FRMD8: variants seen among roughly 807,000 people sequenced by gnomAD.
FRMD8 encodes FERM domain-containing protein 8.
FRMD8 carries 37 observed loss-of-function variants against 54.2 expected under a neutral mutation model. That is an observed-to-expected ratio of 0.68 (90% CI 0.53 to 0.90). FRMD8 has a LOEUF of 0.90. FRMD8 is among the 40% of genes least tolerant of loss of function. FRMD8 has a pLI of 0.00. For synonymous variants in FRMD8, 246 were observed against 286.9 expected (o/e 0.86, Z 1.44); for missense variants, 585 against 653.7 (o/e 0.89, Z 1.15).
At chr11:65,398,146 G>C (rs1855996707) in intron 7 of FRMD8, among the ~76,000 whole-genome samples, 1 of 152,088 alleles carries the variant, frequency 6.6e-6, no homozygotes, top group Non-Finnish European at 1.5e-5. Flanking sequence ...AAAGTGCTGG[G>C]AGCCACCACG....
chr11:65,400,644 C>A lies in FRMD8; in HGVS notation c.928-80C>A. ...AGCCTTGGAGAGGCACACACCCTGG[C>A]CAGGTGTCTGAGTGGGATGGGGTGG... is the stretch of plus-strand genomic sequence containing the variant. On this transcript the variant is annotated intron_variant, in intron 8 of 10. Coordinates refer to ENST00000317568, the MANE Select transcript of FRMD8 (RefSeq NM_031904.5). The surrounding 1 kb of genome is among the most constrained non-coding windows in gnomAD (Gnocchi z 4.3). The A allele has an allele frequency of 7.2e-7, 1 of 1,390,790 alleles. No individual in the cohort carries two copies. Among genetic ancestry groups the A allele is most frequent in the Non-Finnish European group, 9.6e-7 (1 of 1,043,786 alleles). The allele number at this position is 1,390,790 out of a possible 1,614,324, so 86.2% of individuals were successfully genotyped here.
chr11:65,401,742 C>G (rs1390098376), intron 9 of FRMD8, among the ~76,000 whole-genome samples: 1 of 151,254 alleles, frequency 6.6e-6, no homozygotes, highest in East Asian at 2.0e-4. Context: ...TTTCCTGGCC[C>G]CCCTCGAGGG....
At chr11:65,398,264 C>G (rs1034008510) in intron 7 of FRMD8, among the ~76,000 whole-genome samples, 1 of 152,230 alleles carries the variant, frequency 6.6e-6, no homozygotes, top group African/African-American at 2.4e-5. Context: ...TCCCACAGCA[C>G]TGGGATCATA....
At chr11:65,399,635 C>T (rs1856027277) in intron 7 of FRMD8, 101 bp from the exon 8 acceptor site, 1 of 1,461,610 alleles carries the variant, frequency 6.8e-7, no homozygotes, top group East Asian at 2.3e-5. Context: ...GTTTCAGTCA[C>T]CCAAACAGCA....
chr11:65,393,598 G>A lies in FRMD8; in HGVS notation c.279G>A (p.Gln93=), dbSNP rs759790783. ...LLEVQLKPKH[Q]PYKLGRQWPE... is the part of the protein sequence containing the mutation. ...AGGTGCAGCTGAAACCCAAGCACCA[G>A]CCCTACAAGCTGGGACGCCAGTGGC... Residue 93 remains glutamine (Q), a synonymous_variant, in exon 4 of 11, where the codon CAG becomes CAA. Coordinates refer to ENST00000317568, the MANE Select transcript of FRMD8 (RefSeq NM_031904.5). The A allele has an allele frequency of 6.2e-7, 1 of 1,608,954 alleles. No individual in the cohort carries two copies. The highest frequency in any genetic ancestry group is 8.5e-7 in the Non-Finnish European group (1 of 1,179,960).
chr11:65,377,077 C>T, the FRMD8 span: 1 of 1,612,092 alleles, frequency 6.2e-7, no homozygotes, highest in East Asian at 2.2e-5. Flanking sequence ...GACAGTAGGC[C>T]TGTTGGTGAT....
intron 6 of FRMD8, among the ~76,000 whole-genome samples, chr11:65,395,635 A>G (rs918941704): frequency 2.6e-5 from 4 of 152,232 alleles, no homozygotes; most frequent in African/African-American, 9.6e-5. Flanking sequence ...CGGGGAACCA[A>G]CTGTGGGTAT....
chr11:65,407,342 C>A (rs1856223760), intron 10 of FRMD8, among the ~76,000 whole-genome samples: 1 of 151,692 alleles, frequency 6.6e-6, no homozygotes, highest in Non-Finnish European at 1.5e-5. Context: ...ACCTCCGCAC[C>A]CTGGGTTCAA....
chr11:65,376,306 A>T, the FRMD8 span: 14 of 1,414,784 alleles, frequency 9.9e-6, no homozygotes, highest in African/African-American at 1.4e-4. Context: ...GGAAGGGCTG[A>T]GCCTCTTGCA....
chr11:65,374,420 C>T, the FRMD8 span, among the ~76,000 whole-genome samples: 2 of 141,594 alleles, frequency 1.4e-5, no homozygotes, highest in East Asian at 1.9e-4. Flanking sequence ...ATGATTTACC[C>T]GCGGTGTGAC....
At chr11:65,402,738 G>C (rs570623857) in intron 9 of FRMD8, among the ~76,000 whole-genome samples, 1 of 151,548 alleles carries the variant, frequency 6.6e-6, no homozygotes, top group Non-Finnish European at 1.5e-5. Flanking sequence ...CCATTTATTT[G>C]TCTCTGATTT....
chr11:65,383,009 C>G (rs1376610646), upstream of FRMD8: 4 of 152,376 alleles, frequency 2.6e-5, no homozygotes, highest in African/African-American at 9.6e-5. Context: ...CTGTGCACAG[C>G]GGGTGGCACA....
At chr11:65,409,309 A>G (rs1048060689) in intron 10 of FRMD8, among the ~76,000 whole-genome samples, 1 of 151,626 alleles carries the variant, frequency 6.6e-6, no homozygotes, top group Admixed American at 6.6e-5. Flanking sequence ...CTGGTCTCGA[A>G]CTCCTGACCT....
At position 65,404,624 on chromosome 11, in the gene FRMD8, C is replaced by G. The variant is rs564427858; in HGVS notation, c.1072-240C>G. On this transcript the variant is annotated intron_variant, in intron 9 of 10. Transcript: ENST00000317568. The surrounding 1 kb of genome is among the most constrained non-coding windows in gnomAD (Gnocchi z 4.7). ...AGCCTTCCTGGGCTGTGCCTTCTGA[C>G]CAGAATGTTCTTTCTTTCCCACCTG... is the stretch of plus-strand genomic sequence containing the variant. Among the ~76,000 whole-genome samples the G allele has an allele frequency of 6.6e-6, 1 of 151,910 alleles. No individual in the cohort carries two copies. The highest frequency in any genetic ancestry group is 1.5e-5 in the Non-Finnish European group (1 of 67,972).
chr11:65,399,884 T>C, intron 8 of FRMD8, 25 bp downstream of exon 8: 2 of 1,600,716 alleles, frequency 1.2e-6, no homozygotes, highest in South Asian at 2.2e-5. Context: ...TCCTCCAGGG[T>C]GGAGAGGATG....
chr11:65,384,637 G>A (rs1460645745), upstream of FRMD8, among the ~76,000 whole-genome samples: 1 of 152,242 alleles, frequency 6.6e-6, no homozygotes, highest in African/African-American at 2.4e-5. Flanking sequence ...CCCACACACA[G>A]CAAGTGAGCA....
rs1856035113 is a variant in FRMD8 at position 65,399,849 on chromosome 11, G to T, written c.917G>T (p.Ser306Ile). 1.9e-6 allele frequency: 3 copies of T among 1,613,338 alleles called. No individual in the cohort carries two copies. Among genetic ancestry groups the T allele is most frequent in the East Asian group, 2.2e-5 (1 of 44,868 alleles). The change falls in exon 8 of 11, where the codon AGC becomes ATC. Residue 306 changes from serine (S) to isoleucine (I), a missense_variant. Transcript: ENST00000317568. The part of the protein sequence containing the change: ...ISLEGVHVID[S>I]REKHVLLGLR... ...CTGGAAGGCGTGCACGTCATCGATA[G>T]CAGAGAGAAGGTACTGCCCCCAGCT...
the FRMD8 span, chr11:65,376,841 T>C: frequency 1.2e-6 from 2 of 1,614,244 alleles, no homozygotes; most frequent in Non-Finnish European, 1.7e-6. Flanking sequence ...TTCTGGTGTG[T>C]ACTGGCGACA....
At chr11:65,403,608 G>A (rs191973408) in intron 9 of FRMD8, among the ~76,000 whole-genome samples, 2 of 152,310 alleles carry the variant, frequency 1.3e-5, no homozygotes, top group Admixed American at 6.5e-5. Flanking sequence ...AGTGTAGGAT[G>A]GATAGGTGTG....
Sources: allele counts gnomAD v4.1 joint callset (sites outside exome capture counted in the v4.1 genomes callset), GRCh38; gene constraint gnomAD v4.1.1; non-coding constraint Gnocchi (gnomAD v3.1); transcripts MANE v1.5; gene names NCBI Gene and HGNC (gene_info 2026-07-23, HGNC 2026-07-21).